TRRAP: variants seen among roughly 807,000 people sequenced by gnomAD.
TRRAP encodes transformation/transcription domain associated protein.
TRRAP carries 41 observed loss-of-function variants against 438.8 expected under a neutral mutation model. That is an observed-to-expected ratio of 0.09 (90% CI 0.07 to 0.12). The LOEUF (loss-of-function observed/expected upper bound fraction) is 0.12. TRRAP is among the 10% of genes least tolerant of loss of function. TRRAP has a pLI of 1.00. For missense variants in TRRAP, 3,122 were observed against 5,055.1 expected (o/e 0.62, Z 11.60); for synonymous variants, 1,994 against 1,962.9 (o/e 1.02, Z -0.42).
intron 41 of TRRAP, 71 bp downstream of exon 41, chr7:98,955,375 T>G (rs927840168): frequency 1.5e-5 from 22 of 1,450,752 alleles, no homozygotes; most frequent in Non-Finnish European, 2.0e-5. Flanking sequence ...TACCTTGTCT[T>G]GTTCTGCAAT....
intron 27 of TRRAP, 82 bp from the exon 28 acceptor site, chr7:98,935,497 G>C: frequency 8.2e-7 from 1 of 1,215,242 alleles, no homozygotes; most frequent in South Asian, 1.5e-5. Flanking sequence ...GTGTGTGGAA[G>C]ATTGCTGTGT....
intron 45 of TRRAP, among the ~76,000 whole-genome samples, 176 bp downstream of exon 45, chr7:98,959,666 C>T (rs1349559422): frequency 6.6e-6 from 1 of 152,088 alleles, no homozygotes; most frequent in African/African-American, 2.4e-5. Flanking sequence ...CTGCTCTCTC[C>T]AGGGAGAGAG....
chr7:98,910,978 G>T, intron 16 of TRRAP, 99 bp from the exon 17 acceptor site: 3 of 970,660 alleles, frequency 3.1e-6, no homozygotes, highest in Non-Finnish European at 4.4e-6. Context: ...TAATTTAAGT[G>T]CTCTATTTTA....
intron 67 of TRRAP, chr7:98,998,779 TC>T: frequency 4.2e-6 from 1 of 236,976 alleles, no homozygotes; most frequent in Non-Finnish European, 8.6e-6. Context: ...TTCCATCTCT[TC>T]CAGTGCCCTC....
intron 52 of TRRAP, 96 bp downstream of exon 52, chr7:98,970,387 C>T: frequency 1.4e-6 from 2 of 1,436,886 alleles, no homozygotes; most frequent in South Asian, 2.6e-5. Flanking sequence ...ACCCCGTGCC[C>T]CACGGGCAGA....
chr7:98,943,843 G>T (rs1273968648), intron 31 of TRRAP, among the ~76,000 whole-genome samples: 1 of 152,156 alleles, frequency 6.6e-6, no homozygotes, highest in African/African-American at 2.4e-5. Context: ...GTTCTTCAGA[G>T]GCATAATTAA....
intron 28 of TRRAP, among the ~76,000 whole-genome samples, chr7:98,936,360 CA>C (rs1348657420): frequency 6.6e-6 from 1 of 152,148 alleles, no homozygotes; most frequent in African/African-American, 2.4e-5. Context: ...CCAAAGCCAA[CA>C]GGGGGACCAG....
In TRRAP at chr7:98,976,802, CT is replaced by C; in HGVS notation, c.8247+34del. The C allele has an allele frequency of 6.2e-7, 1 of 1,606,240 alleles. No homozygotes were observed. Among genetic ancestry groups the C allele is most frequent in the East Asian group, 2.2e-5 (1 of 44,730 alleles). ...GTGCGCCTCAGTTTGTTAATTACCT[CT>C]TCCCTGCCAGTGACTTCACACTTTA... is the stretch of plus-strand genomic sequence containing the variant. On this transcript the variant is annotated intron_variant, in intron 55 of 72. Transcript: ENST00000456197. The surrounding 1 kb of genome is among the most constrained non-coding windows in gnomAD (Gnocchi z 4.6).
chr7:98,974,934 G>T (rs911589369), intron 53 of TRRAP, among the ~76,000 whole-genome samples: 1 of 152,158 alleles, frequency 6.6e-6, no homozygotes, highest in Non-Finnish European at 1.5e-5. Context: ...TGGGGTTAGG[G>T]TGTATAGAAT....
chr7:98,958,333 C>T (rs925908874), intron 44 of TRRAP, among the ~76,000 whole-genome samples: 8 of 151,464 alleles, frequency 5.3e-5, no homozygotes, highest in Non-Finnish European at 7.4e-5. Context: ...GATGGAGTCT[C>T]GCTTTGTTGC....
chr7:99,005,457 C>T lies in TRRAP; in HGVS notation c.10753+109C>T. On this transcript the variant is annotated intron_variant, in intron 69 of 72. Coordinates refer to ENST00000456197, the MANE Select transcript of TRRAP (RefSeq NM_001375524.1). The surrounding 1 kb of genome is among the most constrained non-coding windows in gnomAD (Gnocchi z 5.1). ...CAGCTCACGTTAGCCTTTGAGGGTC[C>T]AGCTGCGTCAGCAGAGAATGTTGTA... 1 of 1,002,450 alleles carries T rather than the reference C, an allele frequency of 1.0e-6. No individual in the cohort carries two copies. Among genetic ancestry groups the T allele is most frequent in the South Asian group, 1.5e-5 (1 of 68,160 alleles). 62.1% of individuals were successfully genotyped at this position (1,002,450 alleles called of 1,614,324 possible). A position where few individuals can be genotyped will look rare whatever the true frequency, so the allele number is the denominator to read the frequency against.
intron 22 of TRRAP, among the ~76,000 whole-genome samples, chr7:98,926,851 A>G (rs1181850567): frequency 1.3e-5 from 2 of 151,516 alleles, no homozygotes; most frequent in African/African-American, 4.9e-5. Flanking sequence ...TCCCATCTCT[A>G]CTAAAAATAC....
At chr7:98,963,408 C>T (rs1371209980) in intron 47 of TRRAP, among the ~76,000 whole-genome samples, 1 of 152,104 alleles carries the variant, frequency 6.6e-6, no homozygotes, top group Admixed American at 6.6e-5. Context: ...GTATCTCCTC[C>T]CGCTGCTCAT....
At chr7:98,961,596 T>C (rs1240161746) in intron 46 of TRRAP, 122 bp downstream of exon 46, 2 of 1,210,114 alleles carry the variant, frequency 1.7e-6, no homozygotes, top group East Asian at 2.4e-5. Context: ...TCCTTTCTAC[T>C]TGCAAACTTT....
chr7:98,932,251 C>T (rs998671673), intron 26 of TRRAP, among the ~76,000 whole-genome samples: 4 of 151,970 alleles, frequency 2.6e-5, no homozygotes, highest in Non-Finnish European at 5.9e-5. Context: ...GTAGCTGGGA[C>T]TACAGGTGCC....
At chr7:98,969,695 A>G in intron 51 of TRRAP, among the ~76,000 whole-genome samples, 1 of 128,278 alleles carries the variant, frequency 7.8e-6, no homozygotes, top group Non-Finnish European at 1.6e-5. Context: ...GGGGCTCGCA[A>G]CTCACACGGG....
At chr7:98,987,369 G>A (rs1793198524) in intron 62 of TRRAP, among the ~76,000 whole-genome samples, 1 of 152,198 alleles carries the variant, frequency 6.6e-6, no homozygotes, top group Middle Eastern at 3.2e-3. Flanking sequence ...CTTTCCACTA[G>A]TTTAGGTCTT....
intron 21 of TRRAP, among the ~76,000 whole-genome samples, chr7:98,924,729 C>T (rs533767247): frequency 7.1e-6 from 1 of 141,076 alleles, no homozygotes; most frequent in African/African-American, 2.6e-5. Context: ...TGTGGCTGGG[C>T]GCGGTGGCTC....
intron 19 of TRRAP, 144 bp from the exon 20 acceptor site, chr7:98,917,279 A>G (rs1384169444): frequency 9.2e-7 from 1 of 1,087,200 alleles, no homozygotes; most frequent in African/African-American, 1.6e-5. Context: ...CAGATGTAAC[A>G]GGGTGGAGTC....
Sources: gnomAD v4.1 joint callset for allele counts (sites outside exome capture counted in the v4.1 genomes callset) on GRCh38, gnomAD v4.1.1 for gene constraint, Gnocchi (gnomAD v3.1) non-coding constraint, MANE v1.5 for transcripts, NCBI Gene and HGNC (gene_info 2026-07-23, HGNC 2026-07-21) for gene names.